The following SAMMSON variants were observed in gnomAD, a reference collection of about 807,000 sequenced individuals.
SAMMSON encodes the protein survival associated mitochondrial melanoma specific oncogenic non-coding RNA.
chr3:70,173,358 AC>A (rs1174651024), intron 4 of SAMMSON, among the ~76,000 whole-genome samples: 2 of 151,946 alleles, frequency 1.3e-5, no homozygotes, highest in African/African-American at 4.8e-5. Flanking sequence ...TTGAATGACT[AC>A]TATTTGCTGT....
At chr3:70,144,338 T>C (rs2067539580) in intron 4 of SAMMSON, among the ~76,000 whole-genome samples, 1 of 152,064 alleles carries the variant, frequency 6.6e-6, no homozygotes, top group Non-Finnish European at 1.5e-5. Context: ...TCTTTACCCA[T>C]ACAGAGAAAA....
intron 4 of SAMMSON, among the ~76,000 whole-genome samples, chr3:70,177,355 C>A (rs1274750335): frequency 6.6e-6 from 1 of 152,160 alleles, no homozygotes; most frequent in African/African-American, 2.4e-5. Context: ...TATTGAGCAC[C>A]TACCGTGAAC....
intron 4 of SAMMSON, among the ~76,000 whole-genome samples, chr3:70,203,078 C>T (rs532384588): frequency 6.6e-6 from 1 of 152,158 alleles, no homozygotes; most frequent in African/African-American, 2.4e-5. Flanking sequence ...AAGCACACCT[C>T]CTGCTACCCC....
intron 7 of SAMMSON, among the ~76,000 whole-genome samples, chr3:70,324,913 A>C: frequency 9.4e-6 from 1 of 106,184 alleles, no homozygotes; most frequent in East Asian, 2.4e-4. Context: ...GTGAATATGT[A>C]AATGGCCAAA....
rs560195186 is a variant in SAMMSON, at chr3:70,109,437, T to C, written n.507+37872T>C. 5.9e-5 allele frequency among the ~76,000 whole-genome samples: 9 copies of C among 152,226 alleles called. No individual in the cohort carries two copies. In the South Asian group the frequency reaches 1.2e-3, roughly 21 times the overall value. The stretch of plus-strand genomic sequence containing the variant: ...AGTTCTGCATGCTAAAGTTGGCAAA[T>C]AGCACATACAGAGGTGCTTAAAGCT... On this transcript the variant is annotated intron_variant and non_coding_transcript_variant, in intron 4 of 9. Transcript: ENST00000642114.
chr3:70,402,092 A>G (rs187759275), intron 2 of SAMMSON, among the ~76,000 whole-genome samples: 1 of 152,294 alleles, frequency 6.6e-6, no homozygotes, highest in Admixed American at 6.5e-5. Flanking sequence ...AGTATTGTCC[A>G]TAGTCTCAAA....
rs1243823171 is a variant in SAMMSON at position 70,042,460 on chromosome 3, TTTG to T, written n.417+28803_417+28805del. ...GTGAAACAGAATTCAAGCATGTTTT[TTTG>T]TTGTTGTTGTTGTTTTTACTTTTTA... is the stretch of plus-strand genomic sequence containing the variant. On this transcript the variant is annotated intron_variant and non_coding_transcript_variant, in intron 3 of 9. Transcript: ENST00000642114. Among the ~76,000 whole-genome samples the T allele has an allele frequency of 3.3e-5, 5 of 152,194 alleles. No homozygotes were observed. The East Asian group carries it at 5.8e-4, about 18-fold the overall frequency.
chr3:70,402,926 T>C (rs1194338939), intron 2 of SAMMSON, among the ~76,000 whole-genome samples: 1 of 152,002 alleles, frequency 6.6e-6, no homozygotes, highest in Non-Finnish European at 1.5e-5. Context: ...ATACCACATA[T>C]GTGTGTATAT....
At chr3:70,019,009 G>A (rs1276908784) in intron 3 of SAMMSON, among the ~76,000 whole-genome samples, 1 of 152,198 alleles carries the variant, frequency 6.6e-6, no homozygotes, top group African/African-American at 2.4e-5. Flanking sequence ...CAACTACGTG[G>A]TCAATTTTGG....
chr3:70,284,877 C>A (rs1702126748), intron 6 of SAMMSON, among the ~76,000 whole-genome samples: 1 of 152,114 alleles, frequency 6.6e-6, no homozygotes, highest in Non-Finnish European at 1.5e-5. Context: ...CAAACCTGCA[C>A]ATGTACCCCT....
At chr3:70,272,381 G>C (rs1327906748) in intron 6 of SAMMSON, 1 of 152,088 alleles carries the variant, frequency 6.6e-6, no homozygotes, top group East Asian at 1.9e-4. Context: ...ACTCTTTTGT[G>C]TCTGGCTTCT....
At chr3:70,387,901 A>G (rs1409272225) in intron 9 of SAMMSON, among the ~76,000 whole-genome samples, 1 of 152,144 alleles carries the variant, frequency 6.6e-6, no homozygotes, top group Non-Finnish European at 1.5e-5. Flanking sequence ...CATGATTGAA[A>G]TGGATTATAA....
chr3:70,022,123 C>T (rs2067016009), intron 3 of SAMMSON, among the ~76,000 whole-genome samples: 1 of 151,892 alleles, frequency 6.6e-6, no homozygotes, highest in Admixed American at 6.6e-5. Flanking sequence ...TTTGTTCCTC[C>T]AATAATCTGT....
chr3:70,310,523 A>T (rs1284079642), intron 7 of SAMMSON, among the ~76,000 whole-genome samples: 3 of 151,862 alleles, frequency 2.0e-5, no homozygotes, highest in Non-Finnish European at 2.9e-5. Context: ...GTGCCACCAC[A>T]TCTGACTGAT....
At chr3:70,305,893 G>C (rs1485639210) in intron 7 of SAMMSON, among the ~76,000 whole-genome samples, 1 of 152,108 alleles carries the variant, frequency 6.6e-6, no homozygotes, top group Non-Finnish European at 1.5e-5. Flanking sequence ...GCATTATATT[G>C]AAAAGGGAAT....
At chr3:70,053,680 A>C (rs1016773933) in intron 3 of SAMMSON, among the ~76,000 whole-genome samples, 1 of 152,128 alleles carries the variant, frequency 6.6e-6, no homozygotes, top group Non-Finnish European at 1.5e-5. Flanking sequence ...AGTTCAGTTA[A>C]TTCCCAGGGA....
intron 4 of SAMMSON, among the ~76,000 whole-genome samples, chr3:70,192,546 C>T (rs1158486803): frequency 3.3e-5 from 5 of 152,100 alleles, no homozygotes; most frequent in Non-Finnish European, 7.4e-5. Flanking sequence ...AATGTCCTGG[C>T]CTCCCACCAA....
At chr3:70,237,918 G>A (rs1180882011) in intron 4 of SAMMSON, among the ~76,000 whole-genome samples, 1 of 142,548 alleles carries the variant, frequency 7.0e-6, no homozygotes, top group Non-Finnish European at 1.5e-5. Flanking sequence ...TCTCCAAGAG[G>A]ATTTAGAATT....
At chr3:70,236,481 T>C (rs2106748988) in intron 4 of SAMMSON, among the ~76,000 whole-genome samples, 1 of 152,336 alleles carries the variant, frequency 6.6e-6, no homozygotes, top group Middle Eastern at 3.4e-3. Context: ...TTCTTACTAA[T>C]GTGTAAGCCT....
Sources: allele counts gnomAD v4.1 joint callset (sites outside exome capture counted in the v4.1 genomes callset), GRCh38; gene constraint gnomAD v4.1.1; transcripts MANE v1.5; gene names NCBI Gene and HGNC (gene_info 2026-07-23, HGNC 2026-07-21).